DTNB: variants seen among roughly 807,000 people sequenced by gnomAD.
DTNB encodes DTN-B.
A neutral mutation model predicts 90.7 loss-of-function variants in DTNB; 63 were observed. The observed-to-expected ratio is 0.69, with a 90% confidence interval of 0.57 to 0.86. The LOEUF is 0.86. Among genes scored for constraint, DTNB ranks in the 40% least tolerant of loss-of-function variants. The pLI is 0.00. For missense variants in DTNB, 744 were observed against 807.1 expected, an observed-to-expected ratio of 0.92 and a Z score of 0.95; for synonymous variants, 277 against 286.7, an observed-to-expected ratio of 0.97 and a Z score of 0.34.
chr2:25,583,969 A>G (rs1026522744), intron 6 of DTNB, among the ~76,000 whole-genome samples: 4 of 152,210 alleles, frequency 2.6e-5, no homozygotes, highest in Non-Finnish European at 5.9e-5. Flanking sequence ...ATGAGGAATG[A>G]AACTAGCAGA....
At chr2:25,465,373 C>T (rs573053200) in intron 10 of DTNB, among the ~76,000 whole-genome samples, 722 of 68,630 alleles carry the variant, frequency 0.011, 8 homozygotes, top group African/African-American at 0.051. Context: ...GAGACTCCGT[C>T]TCAAAAAAAA....
chr2:25,562,619 C>T (rs1471014044), intron 8 of DTNB, among the ~76,000 whole-genome samples: 1 of 152,146 alleles, frequency 6.6e-6, no homozygotes, highest in Non-Finnish European at 1.5e-5. Context: ...ATTTAGCTGT[C>T]CTACTGGGTA....
chr2:25,518,598 C>G (rs1460982536), intron 9 of DTNB, among the ~76,000 whole-genome samples: 1 of 152,046 alleles, frequency 6.6e-6, no homozygotes, highest in Non-Finnish European at 1.5e-5. Flanking sequence ...CTCACACTCA[C>G]GTACACACAC....
chr2:25,524,047 A>G (rs1421749152), intron 9 of DTNB, among the ~76,000 whole-genome samples: 7 of 151,912 alleles, frequency 4.6e-5, no homozygotes, highest in Non-Finnish European at 8.8e-5. Context: ...GATTACAGGC[A>G]TGCACCACCA....
At chr2:25,468,728 A>G (rs932942738) in intron 10 of DTNB, among the ~76,000 whole-genome samples, 1 of 152,236 alleles carries the variant, frequency 6.6e-6, no homozygotes, top group Non-Finnish European at 1.5e-5. Context: ...TTCGGGGCTC[A>G]TGAAAGCACT....
chr2:25,429,765 A>G (rs775568698), intron 14 of DTNB, among the ~76,000 whole-genome samples: 1 of 152,180 alleles, frequency 6.6e-6, no homozygotes, highest in African/African-American at 2.4e-5. Flanking sequence ...AAACTCTCCA[A>G]GGGTTTCCAA....
intron 12 of DTNB, among the ~76,000 whole-genome samples, chr2:25,449,921 C>T (rs1478083344): frequency 6.6e-6 from 1 of 151,996 alleles, no homozygotes. Flanking sequence ...CACTGCCACG[C>T]CCGGCTAATT....
At chr2:25,482,997 T>TTC in intron 9 of DTNB, 124 bp from the exon 10 acceptor site, 1 of 737,246 alleles carries the variant, frequency 1.4e-6, no homozygotes, top group Non-Finnish European at 1.7e-6. Flanking sequence ...GACGGACCCA[T>TTC]GGGGAGGGGG....
intron 8 of DTNB, among the ~76,000 whole-genome samples, chr2:25,571,609 A>G (rs544587785): frequency 1.2e-4 from 19 of 152,156 alleles, no homozygotes; most frequent in Admixed American, 1.1e-3. Context: ...CAAGGCCTAT[A>G]TGACTTCCCT....
chr2:25,459,000 T>G (rs75127922), intron 10 of DTNB, among the ~76,000 whole-genome samples: 1 of 152,066 alleles, frequency 6.6e-6, no homozygotes. Flanking sequence ...CAGGCTGTTC[T>G]TGAACTCTTG....
chr2:25,614,682 G>A (rs558087755), intron 4 of DTNB, among the ~76,000 whole-genome samples: 1 of 152,344 alleles, frequency 6.6e-6, no homozygotes, highest in South Asian at 2.1e-4. Flanking sequence ...AAGGTTCAGT[G>A]TAATTTAAAT....
intron 7 of DTNB, among the ~76,000 whole-genome samples, chr2:25,577,218 TGAGA>T (rs1345380426): frequency 6.6e-6 from 1 of 151,984 alleles, no homozygotes; most frequent in Non-Finnish European, 1.5e-5. Flanking sequence ...GCAGATCACT[TGAGA>T]CCAGGAGTTT....
At chr2:25,402,366 A>G (rs2043953414) in intron 16 of DTNB, among the ~76,000 whole-genome samples, 1 of 152,226 alleles carries the variant, frequency 6.6e-6, no homozygotes, top group Admixed American at 6.5e-5. Flanking sequence ...GAAGCAGGCA[A>G]TGAATGTGCC....
intron 8 of DTNB, among the ~76,000 whole-genome samples, chr2:25,540,851 G>C (rs62130087): frequency 4.0e-4 from 61 of 152,066 alleles, no homozygotes; most frequent in African/African-American, 8.2e-4. Flanking sequence ...CAGCATGCTC[G>C]TTAAGAGTCA....
At chr2:25,513,444 C>T (rs1454832365) in intron 9 of DTNB, among the ~76,000 whole-genome samples, 2 of 152,028 alleles carry the variant, frequency 1.3e-5, no homozygotes, top group Non-Finnish European at 2.9e-5. Flanking sequence ...GGAAATAGGT[C>T]GGGCTTGGTG....
chr2:25,589,367 CTTTTTTTTT>C (rs1169808182), intron 6 of DTNB, among the ~76,000 whole-genome samples: 6 of 57,546 alleles, frequency 1.0e-4, no homozygotes, highest in African/African-American at 2.4e-4. Context: ...TTTTTCTTTT[CTTTTTTTTT>C]TTTTTTTTTT....
chr2:25,526,352 A>AATATATATAAAT (rs1291606980), intron 9 of DTNB, among the ~76,000 whole-genome samples: 54 of 103,648 alleles, frequency 5.2e-4, no homozygotes, highest in Middle Eastern at 4.7e-3. Context: ...AGCACTTATA[A>AATATATATAAAT]ATATATATAA....
At chr2:25,504,266 C>T (rs550784175) in intron 9 of DTNB, among the ~76,000 whole-genome samples, 15 of 134,722 alleles carry the variant, frequency 1.1e-4, no homozygotes, top group East Asian at 2.2e-4. Flanking sequence ...AAAGGAAGGA[C>T]GGACGGATGG....
intron 19 of DTNB, among the ~76,000 whole-genome samples, chr2:25,380,790 C>T (rs76087656): frequency 6.9e-6 from 1 of 144,048 alleles, no homozygotes; most frequent in Non-Finnish European, 1.6e-5. Flanking sequence ...GAAACCCAGT[C>T]TGATGTGGAC....
Sources: gnomAD v4.1 joint callset for allele counts (sites outside exome capture counted in the v4.1 genomes callset) on GRCh38, gnomAD v4.1.1 for gene constraint, MANE v1.5 for transcripts, NCBI Gene and HGNC (gene_info 2026-07-23, HGNC 2026-07-21) for gene names.